Variants in C1QTNF9B observed in about 807,000 individuals in gnomAD.
C1QTNF9B encodes the protein C1q and TNF related 9B.
A neutral mutation model predicts 10.1 loss-of-function variants in C1QTNF9B; 9 were observed. The observed-to-expected ratio is 0.89, with a 90% CI of 0.53 to 1.55. The LOEUF (loss-of-function observed/expected upper bound fraction) is 1.55, where lower values mean the gene tolerates loss of function less well. C1QTNF9B is among the 40% of genes most tolerant of loss of function. The probability of loss-of-function intolerance (pLI) is 0.00; values close to 1 mark genes in which losing one functional copy is unlikely to be tolerated. For synonymous variants in C1QTNF9B, 79 were observed against 159.9 expected (o/e 0.49, Z 3.82); for missense variants, 196 against 414.4 (o/e 0.47, Z 4.58).
intron 1 of C1QTNF9B, among the ~76,000 whole-genome samples, chr13:23,894,998 C>A (rs1872147878): frequency 1.3e-5 from 2 of 152,178 alleles, no homozygotes; most frequent in Admixed American, 1.3e-4. Flanking sequence ...GCAGGCTGGG[C>A]CGGCTTGCAG....
chr13:23,891,154 G>C, exon 3 of C1QTNF9B: 1 of 905,828 alleles, frequency 1.1e-6, no homozygotes, highest in Non-Finnish European at 1.6e-6. Flanking sequence ...ATCAGTTTTG[G>C]GAATAACTTT....
upstream of C1QTNF9B, chr13:23,897,015 G>C (rs1293872691): frequency 1.9e-6 from 3 of 1,613,504 alleles, no homozygotes; most frequent in Non-Finnish European, 2.5e-6. Flanking sequence ...AACTGAAAGA[G>C]GGAAACAGAA....
chr13:23,892,105 T>A (rs551585068), intron 2 of C1QTNF9B, 44 bp from the exon 5 acceptor site: 1 of 1,606,420 alleles, frequency 6.2e-7, no homozygotes, highest in Admixed American at 1.7e-5. Flanking sequence ...TGTGAAAGAT[T>A]CCCTTGTGAA....
In C1QTNF9B at chr13:23,896,820, C is replaced by T. The variant is rs564223529; in HGVS notation, c.166+1G>A. The T allele has an allele frequency of 1.1e-5, 18 of 1,612,634 alleles. No individual in the cohort carries two copies. In the South Asian group the frequency reaches 1.9e-4, roughly 17 times the overall value. ...GGCAGCCGAAGCCGTCAGGTGAGTA[C>T]CTGCATCGCCTTTGTCACCCTTCGC... On this transcript the variant is annotated splice_donor_variant, in intron 1 of 2. Transcript: ENST00000382137. LOFTEE classifies it high-confidence loss of function.
In C1QTNF9B at chr13:23,896,973, C is replaced by T. The variant is rs1325364550; in HGVS notation, c.14G>A (p.Trp5Ter). ...GCAGATTTCAATGGCAAGCAGAAGCCACCAGATCCTCATGGTTCAGATGAC... is the reference window on the plus strand; with the variant it reads ...GCAGATTTCAATGGCAAGCAGAAGCTACCAGATCCTCATGGTTCAGATGAC... Residue 5 changes from tryptophan (W) to a stop codon, truncating the protein, a stop_gained, in exon 1 of 3, where the codon TGG (tryptophan) becomes TAG (stop). Transcript: ENST00000382137. LOFTEE classifies it high-confidence loss of function. 2 of 1,613,826 alleles carry T rather than the reference C, an allele frequency of 1.2e-6. No homozygotes were observed. Among genetic ancestry groups the T allele is most frequent in the Non-Finnish European group, 1.7e-6 (2 of 1,179,878 alleles).
upstream of C1QTNF9B, chr13:23,897,138 G>A (rs1175178160): frequency 4.6e-6 from 5 of 1,094,254 alleles, no homozygotes; most frequent in Non-Finnish European, 6.5e-6. Context: ...AGACTTGGCA[G>A]AAGACTCAGG....
chr13:23,897,053 G>C, upstream of C1QTNF9B: 1 of 1,603,036 alleles, frequency 6.2e-7, no homozygotes, highest in Non-Finnish European at 8.5e-7. Flanking sequence ...TTGTTGCTGG[G>C]GCCCTGGACA....
At chr13:23,892,371 C>G (rs1474637858) in intron 2 of C1QTNF9B, among the ~76,000 whole-genome samples, 2 of 152,180 alleles carry the variant, frequency 1.3e-5, no homozygotes, top group East Asian at 1.9e-4. Context: ...TTCAATTACT[C>G]CAGCCCAGCT....
At chr13:23,897,051 G>A, upstream of C1QTNF9B, 7 of 1,604,560 alleles carry the variant, frequency 4.4e-6, no homozygotes, top group Non-Finnish European at 6.0e-6. Context: ...CTTTGTTGCT[G>A]GGGCCCTGGA....
intron 1 of C1QTNF9B, among the ~76,000 whole-genome samples, chr13:23,896,032 A>G (rs1241861226): frequency 6.6e-6 from 1 of 152,240 alleles, no homozygotes; most frequent in Non-Finnish European, 1.5e-5. Flanking sequence ...AAATGCCATA[A>G]AGTGAGACAT....
intron 2 of C1QTNF9B, among the ~76,000 whole-genome samples, chr13:23,893,766 G>A (rs377760417): frequency 3.9e-5 from 6 of 152,262 alleles, no homozygotes; most frequent in East Asian, 1.9e-4. Context: ...CATGGTGCTC[G>A]GCCATGGTTT....
rs201120215 is a variant in C1QTNF9B at position 23,891,399 on chromosome 13, C to T, written c.892G>A (p.Gly298Arg). Residue 298 changes from glycine to arginine, a missense_variant, in exon 3 of 3, where the codon GGG (glycine) becomes AGG (arginine). Transcript: ENST00000382137. ...GTCACCTGCAGCCACATCTCATCCC[C>T]GAGCTTCAGCTGCAGGACAATGCTG... is the stretch of plus-strand genomic sequence containing the variant. 197 of 1,581,776 alleles carry T rather than the reference C, an allele frequency of 1.2e-4. 30 individuals carry two copies. The highest frequency in any genetic ancestry group is 1.4e-4 in the Non-Finnish European group (158 of 1,153,814).
At chr13:23,894,549 C>T (rs565588922) in intron 1 of C1QTNF9B, 24 of 548,466 alleles carry the variant, frequency 4.4e-5, no homozygotes, top group East Asian at 2.1e-4. Flanking sequence ...GGACTTGGGA[C>T]GTGGTCTGAA....
intron 1 of C1QTNF9B, among the ~76,000 whole-genome samples, chr13:23,896,143 A>G (rs541619450): frequency 2.6e-5 from 4 of 152,354 alleles, no homozygotes; most frequent in South Asian, 2.1e-4. Flanking sequence ...ATCATTCTGC[A>G]TAAGTCTTAG....
chr13:23,891,495 A>C lies in C1QTNF9B; in HGVS notation c.796T>G (p.Leu266Val), dbSNP rs764161017. ...AGTATTTTTACTCCGTTTTTGACCA[A>C]AGACACCTGAACATTCCTGGAGAAA... Residue 266 changes from leucine to valine, a missense_variant, in exon 3 of 3, where the codon TTG becomes GTG. Leu to Val is a conservative substitution (Grantham distance 32, BLOSUM62 1). Around this residue, in one of 5 missense-constraint regions of C1QTNF9B, gnomAD observed 72 missense variants for 87.1 expected, o/e 0.83. Transcript: ENST00000382137. The C allele has an allele frequency of 1.9e-6, 3 of 1,602,178 alleles. No individual in the cohort carries two copies. Among genetic ancestry groups the C allele is most frequent in the Non-Finnish European group, 2.6e-6 (3 of 1,172,314 alleles).
At chr13:23,892,613 C>T (rs1314547369) in intron 2 of C1QTNF9B, among the ~76,000 whole-genome samples, 8 of 152,190 alleles carry the variant, frequency 5.3e-5, no homozygotes, top group African/African-American at 4.8e-5. Flanking sequence ...CGTGATCAAA[C>T]CACTGCACTC....
At chr13:23,892,701 A>G (rs920519237) in intron 2 of C1QTNF9B, among the ~76,000 whole-genome samples, 7 of 152,008 alleles carry the variant, frequency 4.6e-5, no homozygotes, top group South Asian at 4.1e-4. Flanking sequence ...ACGTGTGTGC[A>G]CATGGACACA....
chr13:23,894,286 G>C, intron 1 of C1QTNF9B, 85 bp from the exon 4 acceptor site: 1 of 1,189,582 alleles, frequency 8.4e-7, no homozygotes, highest in Non-Finnish European at 1.2e-6. Flanking sequence ...CCATGTGTTG[G>C]AGAGTCTGGG....
rs375557850 is a variant in C1QTNF9B at position 23,891,381 on chromosome 13, G to T, written c.910C>A (p.Gln304Lys). Residue 304 changes from glutamine to lysine, a missense_variant, in exon 3 of 3, where the codon CAG (glutamine) becomes AAG (lysine). Physicochemically the swap from Gln to Lys is moderately conservative, Grantham distance 53 (BLOSUM62 1). Transcript: ENST00000382137. ...TTGAACCTCTCTCCTCCTGTCACCT[G>T]CAGCCACATCTCATCCCCGAGCTTC... is the stretch of plus-strand genomic sequence containing the variant. 34 of 1,581,204 alleles carry T rather than the reference G, an allele frequency of 2.2e-5. 2 individuals carry two copies. In the African/African-American group the frequency reaches 4.7e-4, roughly 22 times the overall value.
Sources: allele counts gnomAD v4.1 joint callset (sites outside exome capture counted in the v4.1 genomes callset), GRCh38; gene constraint gnomAD v4.1.1; regional missense constraint gnomAD v4.1.1; transcripts MANE v1.5; gene names NCBI Gene and HGNC (gene_info 2026-07-23, HGNC 2026-07-21).